Variants in CD2AP observed in about 807,000 individuals in gnomAD.
The protein encoded by CD2AP is CD2 associated protein.
Under a neutral mutation model 85.1 loss-of-function variants are expected in CD2AP, and 46 were observed. That is an observed-to-expected ratio of 0.54 (90% CI 0.43 to 0.69). The LOEUF (loss-of-function observed/expected upper bound fraction) is 0.69. Among genes scored for constraint, CD2AP ranks in the 30% least tolerant of loss-of-function variants. The probability of loss-of-function intolerance (pLI) is 0.00; values close to 1 mark genes in which losing one functional copy is unlikely to be tolerated. For missense variants in CD2AP, 769 were observed against 729.5 expected (o/e 1.05, Z -0.62); for synonymous variants, 255 against 252.9 (o/e 1.01, Z -0.08).
At chr6:47,573,493 T>G (rs1214363950) in intron 5 of CD2AP, among the ~76,000 whole-genome samples, 10 of 144,508 alleles carry the variant, frequency 6.9e-5, no homozygotes, top group African/African-American at 2.6e-4. Flanking sequence ...TGTTTTTTTT[T>G]TTTTTTTTTT....
At chr6:47,530,641 T>G (rs1481111905) in intron 2 of CD2AP, among the ~76,000 whole-genome samples, 1 of 152,214 alleles carries the variant, frequency 6.6e-6, no homozygotes, top group Non-Finnish European at 1.5e-5. Flanking sequence ...GCCTGGTTAT[T>G]TTCTGTATTC....
chr6:47,563,737 C>T (rs946761688), intron 5 of CD2AP, among the ~76,000 whole-genome samples: 48 of 152,078 alleles, frequency 3.2e-4, no homozygotes, highest in Non-Finnish European at 3.4e-4. Context: ...ATACGTGCTA[C>T]AAAGTAATGA....
At chr6:47,569,292 G>T (rs574581072) in intron 5 of CD2AP, among the ~76,000 whole-genome samples, 1 of 152,094 alleles carries the variant, frequency 6.6e-6, no homozygotes, top group African/African-American at 2.4e-5. Context: ...TATCCAGAAG[G>T]TGGAGGAAAT....
At chr6:47,613,407 T>A (rs1769498892) in intron 17 of CD2AP, among the ~76,000 whole-genome samples, 1 of 152,302 alleles carries the variant, frequency 6.6e-6, no homozygotes, top group East Asian at 1.9e-4. Flanking sequence ...GATGTTGTGT[T>A]AGCAGACCTG....
At chr6:47,518,403 GAT>G (rs1766505569) in intron 2 of CD2AP, among the ~76,000 whole-genome samples, 1 of 152,190 alleles carries the variant, frequency 6.6e-6, no homozygotes, top group Admixed American at 6.5e-5. Flanking sequence ...GGCAACCACT[GAT>G]ATGCTTTTTG....
At chr6:47,539,491 T>C (rs1183098451) in intron 3 of CD2AP, among the ~76,000 whole-genome samples, 2 of 152,224 alleles carry the variant, frequency 1.3e-5, no homozygotes, top group African/African-American at 4.8e-5. Context: ...GTATGAGCTA[T>C]GTCAAAGTAC....
At position 47,579,456 on chromosome 6, in the gene CD2AP, T is replaced by C. The variant is rs1768411007; in HGVS notation, c.975T>C (p.Ala325=). The C allele has an allele frequency of 1.2e-6, 2 of 1,611,472 alleles. No homozygotes were observed. Among genetic ancestry groups the C allele is most frequent in the Admixed American group, 1.7e-5 (1 of 60,004 alleles). Residue 325 remains alanine (A), a synonymous_variant, in exon 9 of 18, where the codon GCT becomes GCC. Transcript: ENST00000359314. ...AAGGAGTATTTCCAGACAATTTTGC[T>C]GTCCAGATAAATGAACTTGATAAAG... The part of the protein sequence containing the change: ...GKEGVFPDNF[A]VQINELDKDF...
intron 5 of CD2AP, among the ~76,000 whole-genome samples, chr6:47,568,293 A>C (rs142364152): frequency 6.6e-6 from 1 of 152,198 alleles, no homozygotes; most frequent in African/African-American, 2.4e-5. Flanking sequence ...CATGTTGGCT[A>C]TTCACTTTTG....
At chr6:47,523,703 A>G (rs1331415531) in intron 2 of CD2AP, among the ~76,000 whole-genome samples, 1 of 152,154 alleles carries the variant, frequency 6.6e-6, no homozygotes, top group African/African-American at 2.4e-5. Flanking sequence ...AGTTGGAGAA[A>G]TACTTTATAC....
chr6:47,487,704 A>G (rs1765600485), intron 1 of CD2AP, among the ~76,000 whole-genome samples: 1 of 152,058 alleles, frequency 6.6e-6, no homozygotes, highest in African/African-American at 2.4e-5. Context: ...CAAACAAACA[A>G]ACAAACAAAC....
intron 2 of CD2AP, among the ~76,000 whole-genome samples, chr6:47,510,797 G>A (rs1046182419): frequency 3.3e-5 from 5 of 152,078 alleles, no homozygotes; most frequent in South Asian, 2.1e-4. Flanking sequence ...AGATGGGGCC[G>A]GGCGCGGTGG....
chr6:47,494,241 T>G (rs1765799933), intron 1 of CD2AP, among the ~76,000 whole-genome samples: 1 of 152,156 alleles, frequency 6.6e-6, no homozygotes, highest in Admixed American at 6.5e-5. Flanking sequence ...TTGCTCTAGC[T>G]GTAGGTGCCA....
At chr6:47,483,238 G>A (rs1193397358) in intron 1 of CD2AP, among the ~76,000 whole-genome samples, 1 of 152,128 alleles carries the variant, frequency 6.6e-6, no homozygotes, top group Non-Finnish European at 1.5e-5. Flanking sequence ...GATGGGGGAG[G>A]CGACAGAACA....
At chr6:47,620,225 G>T (rs1769708283) in intron 17 of CD2AP, among the ~76,000 whole-genome samples, 1 of 152,156 alleles carries the variant, frequency 6.6e-6, no homozygotes, top group Non-Finnish European at 1.5e-5. Flanking sequence ...TCCATCTTGA[G>T]TTGATTTTGG....
Position 47,483,462 on chromosome 6 carries a change from A to T in CD2AP, c.4+5214A>T, listed in dbSNP as rs184642752. Among the ~76,000 whole-genome samples, 10 of 152,270 alleles carry T rather than the reference A, an allele frequency of 6.6e-5. No homozygotes were observed. In the East Asian group the frequency reaches 1.7e-3, roughly 26 times the overall value. On this transcript the variant is annotated intron_variant, in intron 1 of 17. Coordinates refer to ENST00000359314, the MANE Select transcript of CD2AP (RefSeq NM_012120.3). Reference sequence around the variant, plus strand: ...GTCTGGCAGTAGGCCTTGAAAACCTAGCCACAGGGAAACAAAATGAGACAG... The same window carrying T: ...GTCTGGCAGTAGGCCTTGAAAACCTTGCCACAGGGAAACAAAATGAGACAG...
intron 17 of CD2AP, among the ~76,000 whole-genome samples, chr6:47,617,691 C>T (rs1769628151): frequency 1.3e-5 from 2 of 152,128 alleles, no homozygotes; most frequent in Non-Finnish European, 2.9e-5. Flanking sequence ...CTGATGCTTA[C>T]TATCTTCTGC....
chr6:47,573,380 T>G (rs1025724866), intron 5 of CD2AP, among the ~76,000 whole-genome samples: 1 of 152,134 alleles, frequency 6.6e-6, no homozygotes, highest in Non-Finnish European at 1.5e-5. Context: ...ATGCTAACTT[T>G]GATTGGATTG....
At chr6:47,512,144 C>T (rs371139492) in intron 2 of CD2AP, among the ~76,000 whole-genome samples, 109 of 151,542 alleles carry the variant, frequency 7.2e-4, no homozygotes, top group Non-Finnish European at 1.3e-3. Flanking sequence ...GGCAACAGAG[C>T]GAGACTCCGT....
intron 11 of CD2AP, among the ~76,000 whole-genome samples, chr6:47,589,565 C>CACACACATAT (rs139814970): frequency 8.3e-6 from 1 of 120,940 alleles, no homozygotes; most frequent in African/African-American, 3.0e-5. Context: ...CACACACACA[C>CACACACATAT]ATATATATAT....
Sources: gnomAD v4.1 joint callset for allele counts (sites outside exome capture counted in the v4.1 genomes callset) on GRCh38, gnomAD v4.1.1 for gene constraint, MANE v1.5 for transcripts, NCBI Gene and HGNC (gene_info 2026-07-23, HGNC 2026-07-21) for gene names.